MAPK10: variants seen among roughly 807,000 people sequenced by gnomAD.
MAPK10 encodes JNK3 alpha protein kinase.
A neutral mutation model predicts 59.3 loss-of-function variants in MAPK10; 25 were observed. The observed-to-expected ratio is 0.42, with a 90% CI of 0.31 to 0.59. The LOEUF is 0.59. Ranked by LOEUF, MAPK10 falls within the 20% of genes least tolerant of loss-of-function variation. The probability of loss-of-function intolerance (pLI) is 0.15; values close to 1 mark genes in which losing one functional copy is unlikely to be tolerated. For synonymous variants in MAPK10, 190 were observed against 200.5 expected (o/e 0.95, Z 0.44); for missense variants, 351 against 568.9 (o/e 0.62, Z 3.90).
chr4:86,162,047 C>A (rs749839216), intron 3 of MAPK10, among the ~76,000 whole-genome samples: 2 of 151,650 alleles, frequency 1.3e-5, no homozygotes, highest in Non-Finnish European at 2.9e-5. Flanking sequence ...ACTGTTTAAC[C>A]CAACAAATGC....
chr4:86,526,087 T>G lies in MAPK10; in HGVS notation c.-263+67823A>C, dbSNP rs141688296. ...TCAGGGTGATGCTGGCTTCACAGAG[T>G]AAGATAGGAAGAGTCCCTCCTTCTC... On this transcript the variant is annotated intron_variant, in intron 1 of 4. Transcript: ENST00000502302. Among the ~76,000 whole-genome samples the G allele has an allele frequency of 3.3e-3, 509 of 152,254 alleles. 1 individual carries two copies. Among genetic ancestry groups the G allele is most frequent in the African/African-American group, 0.012 (492 of 41,548 alleles).
intron 4 of MAPK10, among the ~76,000 whole-genome samples, chr4:86,155,186 G>A (rs1380494223): frequency 6.6e-6 from 1 of 151,834 alleles, no homozygotes; most frequent in Non-Finnish European, 1.5e-5. Context: ...TTAAAAGGGA[G>A]AACTTTTTTT....
rs1162302139 is a variant in MAPK10, at chr4:86,519,523, G to A, written c.-263+74387C>T. On this transcript the variant is annotated intron_variant, in intron 1 of 4. Coordinates refer to the MAPK10 transcript ENST00000502302. Reference sequence around the variant, plus strand: ...AGTTTATGTGAGTCCTTATGTATTAGGTGAGTCTCTTGAAGACAGCAGATA... The same window carrying A: ...AGTTTATGTGAGTCCTTATGTATTAAGTGAGTCTCTTGAAGACAGCAGATA... Among the ~76,000 whole-genome samples, 4 of 152,260 alleles carry A rather than the reference G, an allele frequency of 2.6e-5. No homozygotes were observed. In the East Asian group the frequency reaches 5.8e-4, roughly 22 times the overall value.
intron 4 of MAPK10, among the ~76,000 whole-genome samples, chr4:86,145,317 G>A (rs1433523771): frequency 3.5e-5 from 3 of 85,734 alleles, no homozygotes; most frequent in African/African-American, 1.4e-4. Flanking sequence ...AGCCGAGATC[G>A]CGCCACTGCA....
At chr4:86,026,478 T>G (rs1272776734) in intron 13 of MAPK10, 1 of 152,238 alleles carries the variant, frequency 6.6e-6, no homozygotes, top group Non-Finnish European at 1.5e-5. Context: ...AGTTTAGATT[T>G]ATCTCTTATT....
intron 3 of MAPK10, among the ~76,000 whole-genome samples, chr4:86,161,437 T>A (rs908186923): frequency 5.3e-5 from 8 of 152,062 alleles, no homozygotes; most frequent in African/African-American, 1.9e-4. Flanking sequence ...TACCAGGAAC[T>A]GCTCTCCACA....
At chr4:86,555,198 A>G (rs1459968045) in intron 1 of MAPK10, among the ~76,000 whole-genome samples, 1 of 152,226 alleles carries the variant, frequency 6.6e-6, no homozygotes, top group Non-Finnish European at 1.5e-5. Context: ...CTGTAATCCT[A>G]GCACTTTGGG....
intron 1 of MAPK10, among the ~76,000 whole-genome samples, chr4:86,432,514 A>G (rs1748176627): frequency 6.6e-6 from 1 of 152,198 alleles, no homozygotes; most frequent in Non-Finnish European, 1.5e-5. Context: ...ACCAGACCTC[A>G]GGTGATCTGC....
In MAPK10 at chr4:86,332,722, ACCAACCTAGACAAAAG is replaced by A. The variant is rs1181299286; in HGVS notation, c.-7+21792_-7+21807del. On this transcript the variant is annotated intron_variant, in intron 2 of 13. Coordinates refer to ENST00000641462, the MANE Select transcript of MAPK10 (RefSeq NM_138982.4). The stretch of plus-strand genomic sequence containing the variant: ...AGGTTATAACAGAGATGGTGATCTA[ACCAACCTAGACAAAAG>A]CCTACGGTCAAAATTAAACCTGATT... The A allele has an allele frequency of 3.3e-5, 5 of 152,306 alleles. No homozygotes were observed. In the South Asian group the frequency reaches 8.3e-4, roughly 25 times the overall value. The allele number at this position is 152,306 out of a possible 1,614,324, so 9.4% of individuals were successfully genotyped here. A position where few individuals can be genotyped will look rare whatever the true frequency, so the allele number is the denominator to read the frequency against.
chr4:86,213,206 C>G (rs1434664997), intron 2 of MAPK10, among the ~76,000 whole-genome samples: 1 of 151,808 alleles, frequency 6.6e-6, no homozygotes, highest in African/African-American at 2.4e-5. Flanking sequence ...AAAAGCAATG[C>G]TAAGGGAGAA....
chr4:86,350,026 G>A (rs1183306213), intron 2 of MAPK10, among the ~76,000 whole-genome samples: 1 of 152,064 alleles, frequency 6.6e-6, no homozygotes, highest in Non-Finnish European at 1.5e-5. Context: ...TCTAAAATGG[G>A]GATGGATGGG....
intron 4 of MAPK10, among the ~76,000 whole-genome samples, chr4:86,150,052 TAA>T (rs2149205661): frequency 6.6e-6 from 1 of 152,286 alleles, no homozygotes; most frequent in African/African-American, 2.4e-5. Flanking sequence ...GGAACCAACG[TAA>T]GTGCCCACTG....
At chr4:86,200,802 C>T (rs2082449638) in intron 2 of MAPK10, among the ~76,000 whole-genome samples, 1 of 151,834 alleles carries the variant, frequency 6.6e-6, no homozygotes, top group Non-Finnish European at 1.5e-5. Flanking sequence ...ATGACTAAAT[C>T]AGGGTAATTG....
intron 2 of MAPK10, among the ~76,000 whole-genome samples, chr4:86,314,315 C>CACATGTTGTGGT (rs2095733252): frequency 9.2e-5 from 14 of 152,134 alleles, no homozygotes; most frequent in African/African-American, 3.4e-4. Context: ...ATTATACACC[C>CACATGTTGTGGT]ATAATTCCCA....
At chr4:86,200,062 C>A (rs2082269036) in intron 2 of MAPK10, among the ~76,000 whole-genome samples, 1 of 151,904 alleles carries the variant, frequency 6.6e-6, no homozygotes, top group South Asian at 2.1e-4. Context: ...ACAAAAGGAG[C>A]AATTTACTCT....
intron 1 of MAPK10, among the ~76,000 whole-genome samples, chr4:86,581,672 GTTA>G (rs1486859458): frequency 3.0e-5 from 4 of 131,576 alleles, no homozygotes; most frequent in Non-Finnish European, 6.5e-5. Flanking sequence ...TTTTTTTTCA[GTTA>G]TTGTGTGTGT....
At chr4:86,554,083 A>G (rs1185284037) in intron 1 of MAPK10, among the ~76,000 whole-genome samples, 7 of 151,986 alleles carry the variant, frequency 4.6e-5, no homozygotes, top group Non-Finnish European at 1.0e-4. Flanking sequence ...AGAAGGCAGG[A>G]CGAGGGGGTA....
At chr4:86,286,897 C>T (rs1343154752) in intron 2 of MAPK10, among the ~76,000 whole-genome samples, 1 of 152,140 alleles carries the variant, frequency 6.6e-6, no homozygotes, top group African/African-American at 2.4e-5. Flanking sequence ...AAGGCTGAAC[C>T]AAAGGGATTT....
chr4:86,534,722 A>G (rs1758102843), intron 1 of MAPK10, among the ~76,000 whole-genome samples: 1 of 152,216 alleles, frequency 6.6e-6, no homozygotes, highest in South Asian at 2.1e-4. Flanking sequence ...CCTGGCCAAC[A>G]TGGTGAAAAT....
Sources: allele counts gnomAD v4.1 joint callset (sites outside exome capture counted in the v4.1 genomes callset), GRCh38; gene constraint gnomAD v4.1.1; transcripts MANE v1.5; gene names NCBI Gene and HGNC (gene_info 2026-07-23, HGNC 2026-07-21).